The following PRKCZ variants were observed in gnomAD, a reference collection of about 807,000 sequenced individuals.
The protein encoded by PRKCZ is protein kinase C zeta type.
Under a neutral mutation model 79.5 loss-of-function variants are expected in PRKCZ, and 33 were observed. The observed-to-expected ratio is 0.41, with a 90% CI of 0.31 to 0.55. The LOEUF is 0.55. PRKCZ is among the 20% of genes least tolerant of loss of function. PRKCZ has a pLI of 0.19. For synonymous variants in PRKCZ, 342 were observed against 320.9 expected, an observed-to-expected ratio of 1.07 and a Z score of -0.70; for missense variants, 578 against 813.5, an observed-to-expected ratio of 0.71 and a Z score of 3.52.
At chr1:2,113,919 T>C (rs1489078436) in intron 4 of PRKCZ, among the ~76,000 whole-genome samples, 1 of 151,782 alleles carries the variant, frequency 6.6e-6, no homozygotes, top group Non-Finnish European at 1.5e-5. Flanking sequence ...TGTGGGAGTG[T>C]AGAGAGGGCG....
Position 2,177,712 on chromosome 1 carries a change from G to A in PRKCZ, c.1575+2399G>A, listed in dbSNP as rs181336204. Among the ~76,000 whole-genome samples the A allele has an allele frequency of 3.9e-5, 6 of 152,296 alleles. No individual in the cohort carries two copies. Among genetic ancestry groups the A allele is most frequent in the East Asian group, 1.9e-4 (1 of 5,176 alleles). On this transcript the variant is annotated intron_variant, in intron 16 of 17. Transcript: ENST00000378567. This position sits in a 1 kb window ranked among gnomAD's most constrained non-coding sequence, Gnocchi z 6.4. ...ACACACTTGCCGCGGGCTGTCTCTC[G>A]GAAGGTAGTCAGCGGCCCTGGCTTC...
At chr1:2,061,615 G>A (rs1429716002) in intron 4 of PRKCZ, among the ~76,000 whole-genome samples, 3 of 152,174 alleles carry the variant, frequency 2.0e-5, no homozygotes, top group African/African-American at 4.8e-5. Flanking sequence ...GGGACATTCC[G>A]CCAGAGCCTC....
chr1:2,115,921 A>G (rs1043302621), intron 4 of PRKCZ, among the ~76,000 whole-genome samples: 3 of 152,114 alleles, frequency 2.0e-5, no homozygotes, highest in Non-Finnish European at 4.4e-5. Flanking sequence ...GGCACGGTTG[A>G]TTCAACAGCC....
chr1:2,079,559 C>T (rs1435785098), intron 4 of PRKCZ, among the ~76,000 whole-genome samples: 1 of 152,190 alleles, frequency 6.6e-6, no homozygotes, highest in African/African-American at 2.4e-5. Flanking sequence ...TGTCCCGGAC[C>T]CTCATAAGTG....
intron 1 of PRKCZ, 42 bp downstream of exon 1, chr1:2,050,743 G>C (rs915865034): frequency 2.9e-6 from 3 of 1,049,602 alleles, no homozygotes; most frequent in Non-Finnish European, 3.6e-6. Flanking sequence ...GGTGAGGCAG[G>C]GAGGGCGGGG....
intron 3 of PRKCZ, among the ~76,000 whole-genome samples, chr1:2,058,444 C>G (rs960000047): frequency 2.0e-5 from 3 of 151,880 alleles, no homozygotes; most frequent in Non-Finnish European, 4.4e-5. Flanking sequence ...TTCCACTGCA[C>G]TCTAGCCTGA....
At position 2,075,628 on chromosome 1, in the gene PRKCZ, G is replaced by A. The variant is rs576217170; in HGVS notation, c.334+16037G>A. 2.0e-5 allele frequency among the ~76,000 whole-genome samples: 3 copies of A among 152,172 alleles called. No individual in the cohort carries two copies. Among genetic ancestry groups the A allele is most frequent in the African/African-American group, 4.8e-5 (2 of 41,450 alleles). On this transcript the variant is annotated intron_variant, in intron 4 of 17. Transcript: ENST00000378567. The surrounding 1 kb of genome is among the most constrained non-coding windows in gnomAD (Gnocchi z 4.8). ...GTTGTGTGTTCCTCTGCCCAACTCC[G>A]AGCTTGGTCCCACCTCCCAGACTCA...
At position 2,082,550 on chromosome 1, in the gene PRKCZ, A is replaced by G. The variant is rs1663748623; in HGVS notation, c.334+22959A>G. On this transcript the variant is annotated intron_variant, in intron 4 of 17. Coordinates refer to ENST00000378567, the MANE Select transcript of PRKCZ (RefSeq NM_002744.6). This position sits in a 1 kb window ranked among gnomAD's most constrained non-coding sequence, Gnocchi z 4.4. ...GTAAATGCTCTGTGAGGAAGGAACG[A>G]TGGTGGGATTTGTCACTCAGTCGAT... 1 of 380,360 alleles carries G rather than the reference A, an allele frequency of 2.6e-6. No homozygotes were observed. The highest frequency in any genetic ancestry group is 5.2e-6 in the Non-Finnish European group (1 of 191,154). 23.6% of individuals were successfully genotyped at this position (380,360 alleles called of 1,614,324 possible).
In PRKCZ at chr1:2,125,989, A is replaced by G. The variant is rs1013346009; in HGVS notation, c.335-9273A>G. 7.2e-5 allele frequency among the ~76,000 whole-genome samples: 11 copies of G among 152,150 alleles called. No homozygotes were observed. Among genetic ancestry groups the G allele is most frequent in the African/African-American group, 2.7e-4 (11 of 41,446 alleles). On this transcript the variant is annotated intron_variant, in intron 4 of 17. Transcript: ENST00000378567. This position sits in a 1 kb window ranked among gnomAD's most constrained non-coding sequence, Gnocchi z 4.2. ...GGCAGCTGAATTCCCGCAGGTGGGA[A>G]TGCCAGGGCCCGAGGATGTTGCCCC...
At chr1:2,066,397 C>T (rs1661127234) in intron 4 of PRKCZ, among the ~76,000 whole-genome samples, 1 of 152,198 alleles carries the variant, frequency 6.6e-6, no homozygotes, top group African/African-American at 2.4e-5. Flanking sequence ...GGAGAGAGTG[C>T]AGTGGCTCGA....
chr1:2,102,480 C>T (rs960117374), intron 4 of PRKCZ, among the ~76,000 whole-genome samples: 2 of 151,584 alleles, frequency 1.3e-5, no homozygotes. Flanking sequence ...GTACAGGCGC[C>T]CACCACCACG....
intron 4 of PRKCZ, among the ~76,000 whole-genome samples, chr1:2,118,756 A>T (rs3107149): frequency 0.69 from 87,153 of 126,536 alleles, 26,634 homozygotes; most frequent in African/African-American, 0.73. Context: ...TGTGTGTGTG[A>T]GATGAGGGGA....
At chr1:2,054,072 A>G (rs1228941425) in intron 1 of PRKCZ, among the ~76,000 whole-genome samples, 2 of 152,066 alleles carry the variant, frequency 1.3e-5, no homozygotes, top group Admixed American at 1.3e-4. Flanking sequence ...GCGGCTGTGG[A>G]CCGATCCTGT....
At chr1:2,087,598 T>A (rs2102448780) in intron 4 of PRKCZ, among the ~76,000 whole-genome samples, 1 of 152,290 alleles carries the variant, frequency 6.6e-6, no homozygotes, top group Middle Eastern at 3.4e-3. Flanking sequence ...TTAATTGGGT[T>A]GTATCCCATC....
intron 4 of PRKCZ, among the ~76,000 whole-genome samples, chr1:2,102,457 C>T (rs1283280777): frequency 1.3e-5 from 2 of 151,798 alleles, no homozygotes; most frequent in African/African-American, 2.4e-5. Context: ...CTCAGCCTCC[C>T]GAGTAGCTGG....
At chr1:2,118,316 T>C (rs1671155566) in intron 4 of PRKCZ, among the ~76,000 whole-genome samples, 1 of 144,616 alleles carries the variant, frequency 6.9e-6, no homozygotes, top group African/African-American at 2.6e-5. Flanking sequence ...TTTTGATTGA[T>C]GCTTTTATCA....
rs1004551947 is a variant in PRKCZ, at chr1:2,177,770, C to T, written c.1575+2457C>T. 2.6e-5 allele frequency among the ~76,000 whole-genome samples: 4 copies of T among 152,206 alleles called. No homozygotes were observed. The highest frequency in any genetic ancestry group is 7.2e-5 in the African/African-American group (3 of 41,452). ...GGTCCCACCACTGCAGAATCACCCCCGTGGCTGCCCACAGGGGCGGCTTCC... is the reference window on the plus strand; with the variant it reads ...GGTCCCACCACTGCAGAATCACCCCTGTGGCTGCCCACAGGGGCGGCTTCC... On this transcript the variant is annotated intron_variant, in intron 16 of 17. Transcript: ENST00000378567. This position sits in a 1 kb window ranked among gnomAD's most constrained non-coding sequence, Gnocchi z 6.4.
chr1:2,139,348 G>C (rs1453810414), intron 5 of PRKCZ, among the ~76,000 whole-genome samples: 2 of 152,208 alleles, frequency 1.3e-5, no homozygotes, highest in Non-Finnish European at 2.9e-5. Context: ...CCAGCACTTT[G>C]GGAGGCCGAG....
chr1:2,082,481 G>A lies in PRKCZ; in HGVS notation c.334+22890G>A, dbSNP rs772800718. 1.1e-5 allele frequency: 5 copies of A among 449,926 alleles called. No individual in the cohort carries two copies. The highest frequency in any genetic ancestry group is 4.7e-5 in the South Asian group (3 of 63,568). The allele number at this position is 449,926 out of a possible 1,614,324, so 27.9% of individuals were successfully genotyped here. A position where few individuals can be genotyped will look rare whatever the true frequency, so the allele number is the denominator to read the frequency against. ...ATTCTGTGAGTGTAAGATCACGTCC[G>A]CGTTCCTAGCGACCGGTTTTGTGAT... is the stretch of plus-strand genomic sequence containing the variant. On this transcript the variant is annotated intron_variant, in intron 4 of 17. Coordinates refer to ENST00000378567, the MANE Select transcript of PRKCZ (RefSeq NM_002744.6). This position sits in a 1 kb window ranked among gnomAD's most constrained non-coding sequence, Gnocchi z 4.4.
Sources: allele counts gnomAD v4.1 joint callset (sites outside exome capture counted in the v4.1 genomes callset), GRCh38; gene constraint gnomAD v4.1.1; non-coding constraint Gnocchi (gnomAD v3.1); transcripts MANE v1.5; gene names NCBI Gene and HGNC (gene_info 2026-07-23, HGNC 2026-07-21).